Variants in ZNF227 observed in about 807,000 individuals in gnomAD.
ZNF227 encodes zinc finger protein 227.
Under a neutral mutation model 13.2 loss-of-function variants are expected in ZNF227, and 12 were observed. The observed-to-expected ratio is 0.91, with a 90% CI of 0.58 to 1.47. The LOEUF (loss-of-function observed/expected upper bound fraction) is 1.47. Among genes scored for constraint, ZNF227 ranks in the 40% most tolerant of loss-of-function variants. The pLI, the probability that ZNF227 is intolerant of heterozygous loss-of-function variation, is 0.00. For missense variants in ZNF227, 885 were observed against 967.5 expected, an observed-to-expected ratio of 0.91 and a Z score of 1.13; for synonymous variants, 338 against 326.0, an observed-to-expected ratio of 1.04 and a Z score of -0.40.
chr19:44,235,869 A>T lies in ZNF227; in HGVS notation c.1439A>T (p.His480Leu). ...GKGFTRNTDL[H>L]IHFRVHTGEK... The stretch of plus-strand genomic sequence containing the variant: ...GGCTTTACCCGTAATACAGATCTGC[A>T]TATTCATTTCAGAGTTCACACGGGA... The change falls in exon 6 of 6, where the codon CAT (histidine) becomes CTT (leucine). Residue 480 changes from histidine (H) to leucine (L), a missense_variant. His to Leu is a moderately conservative substitution (Grantham distance 99). Transcript: ENST00000313040. 6.2e-7 allele frequency: 1 copy of T among 1,613,890 alleles called. No homozygotes were observed. The highest frequency in any genetic ancestry group is 8.5e-7 in the Non-Finnish European group (1 of 1,179,968).
At chr19:44,209,134 A>G (rs925812632), upstream of ZNF227, among the ~76,000 whole-genome samples, 2 of 152,190 alleles carry the variant, frequency 1.3e-5, no homozygotes, top group African/African-American at 2.4e-5. Context: ...GCATTTATGC[A>G]TTGGTGCCAT....
Position 44,235,508 on chromosome 19 carries a change from T to C in ZNF227, c.1078T>C (p.Cys360Arg). Residue 360 changes from cysteine to arginine, a missense_variant, in exon 6 of 6, where the codon TGC becomes CGC. Physicochemically the swap from Cys to Arg is radical, Grantham distance 180. Transcript: ENST00000313040. Reference protein sequence around the residue: ...KPYKCEECGKCFSQSSNFQCH... With the variant: ...KPYKCEECGKRFSQSSNFQCH... Reference sequence around the variant, plus strand: ...CTATAAATGCGAGGAATGTGGTAAATGCTTTAGTCAAAGTTCAAATTTTCA... The same window carrying C: ...CTATAAATGCGAGGAATGTGGTAAACGCTTTAGTCAAAGTTCAAATTTTCA... 1 of 1,614,012 alleles carries C rather than the reference T, an allele frequency of 6.2e-7. No homozygotes were observed. Among genetic ancestry groups the C allele is most frequent in the Non-Finnish European group, 8.5e-7 (1 of 1,180,008 alleles).
intron 3 of ZNF227, among the ~76,000 whole-genome samples, chr19:44,220,126 C>G (rs1972326339): frequency 6.6e-6 from 1 of 152,138 alleles, no homozygotes; most frequent in Non-Finnish European, 1.5e-5. Context: ...TTTTTTATGG[C>G]TGCATAGTAT....
At position 44,217,780 on chromosome 19, in the gene ZNF227, G is replaced by C. The variant is rs1972045600; in HGVS notation, c.-2-11G>C. On this transcript the variant is annotated splice_polypyrimidine_tract_variant and intron_variant, in intron 2 of 5. Transcript: ENST00000313040. ...AGGCTTGTGTCTCATGGCGTCTTTG[G>C]TCTCCCCCAGTTATGCCATCTCAGA... 3 of 1,614,156 alleles carry C rather than the reference G, an allele frequency of 1.9e-6. No homozygotes were observed. Among genetic ancestry groups the C allele is most frequent in the Non-Finnish European group, 2.5e-6 (3 of 1,180,014 alleles).
At chr19:44,216,958 G>GTTTTTTT (rs35474532) in intron 2 of ZNF227, among the ~76,000 whole-genome samples, 2 of 91,646 alleles carry the variant, frequency 2.2e-5, no homozygotes, top group Non-Finnish European at 4.1e-5. Flanking sequence ...TCATCTGCTT[G>GTTTTTTT]TTTTTTTTTT....
intron 3 of ZNF227, among the ~76,000 whole-genome samples, chr19:44,221,907 A>C (rs529358945): frequency 6.6e-6 from 1 of 152,288 alleles, no homozygotes; most frequent in African/African-American, 2.4e-5. Context: ...TCTAATGTTT[A>C]AGTCTTTAAT....
At chr19:44,218,981 A>G (rs916470836) in intron 3 of ZNF227, among the ~76,000 whole-genome samples, 8 of 152,156 alleles carry the variant, frequency 5.3e-5, no homozygotes, top group Non-Finnish European at 1.0e-4. Context: ...TCTGCCTCCC[A>G]GGTTCAAGCG....
upstream of ZNF227, among the ~76,000 whole-genome samples, chr19:44,208,850 T>C (rs1441604737): frequency 1.3e-5 from 2 of 152,212 alleles, no homozygotes; most frequent in East Asian, 1.9e-4. Flanking sequence ...ATGACCATTA[T>C]AGAGAGATTA....
At chr19:44,209,834 C>T (rs1971298128), upstream of ZNF227, among the ~76,000 whole-genome samples, 1 of 152,198 alleles carries the variant, frequency 6.6e-6, no homozygotes, top group South Asian at 2.1e-4. Context: ...GATCTGCCCA[C>T]CTCGGCCTCC....
intron 3 of ZNF227, among the ~76,000 whole-genome samples, chr19:44,221,216 G>A (rs568382361): frequency 6.6e-6 from 1 of 152,088 alleles, no homozygotes; most frequent in Non-Finnish European, 1.5e-5. Flanking sequence ...GTAGGGACAT[G>A]AACATACATG....
intron 2 of ZNF227, chr19:44,217,574 T>C (rs761604669): frequency 1.4e-6 from 1 of 707,626 alleles, no homozygotes; most frequent in Non-Finnish European, 2.6e-6. Context: ...CCATCAGAAA[T>C]CCTTGTAGCA....
rs1973445581 is a variant in ZNF227 at position 44,228,585 on chromosome 19, A to C, written c.187+13A>C. ...CTGGTTGCAGTGGGTGAGGACAGGC[A>C]CTCTCTGACCCTGAACTTCAGTTCC... On this transcript the variant is annotated intron_variant, in intron 4 of 5. Transcript: ENST00000313040. 2 of 1,601,824 alleles carry C rather than the reference A, an allele frequency of 1.2e-6. No homozygotes were observed. The highest frequency in any genetic ancestry group is 1.7e-6 in the Non-Finnish European group (2 of 1,175,580).
chr19:44,220,637 G>A (rs138711887), intron 3 of ZNF227, among the ~76,000 whole-genome samples: 3,106 of 152,032 alleles, frequency 0.02, 116 homozygotes, highest in African/African-American at 0.072. Context: ...CTACTCACTG[G>A]ATATCAGCAT....
At chr19:44,209,355 TA>T (rs1971287049), upstream of ZNF227, among the ~76,000 whole-genome samples, 1 of 152,178 alleles carries the variant, frequency 6.6e-6, no homozygotes, top group African/African-American at 2.4e-5. Flanking sequence ...AACCAAATCC[TA>T]GTCAGTCGGT....
intron 3 of ZNF227, among the ~76,000 whole-genome samples, chr19:44,220,853 C>A (rs1451260811): frequency 1.3e-5 from 2 of 151,932 alleles, no homozygotes; most frequent in African/African-American, 4.8e-5. Flanking sequence ...GTTCCCCTTC[C>A]TGTGTCCATG....
intron 3 of ZNF227, 85 bp from the exon 4 acceptor site, chr19:44,228,361 G>A: frequency 6.7e-7 from 1 of 1,490,806 alleles, no homozygotes; most frequent in South Asian, 1.3e-5. Context: ...CAACTTTTTT[G>A]TGGTGCTCTT....
chr19:44,236,033 C>G lies in ZNF227; in HGVS notation c.1603C>G (p.Leu535Val), dbSNP rs1418107649. The G allele has an allele frequency of 1.2e-6, 2 of 1,609,326 alleles. No homozygotes were observed. The highest frequency in any genetic ancestry group is 2.7e-5 in the African/African-American group (2 of 73,194). The stretch of plus-strand genomic sequence containing the variant: ...GAAGGGCTTCAGTCAGTCCTCAAAG[C>G]TTCAAACCCATCAGCGAGTCCACAC... Reference protein sequence around the residue: ...CGKGFSQSSKLQTHQRVHTGE... With the variant: ...CGKGFSQSSKVQTHQRVHTGE... The change falls in exon 6 of 6, where the codon CTT becomes GTT. Residue 535 changes from leucine (L) to valine (V), a missense_variant. Transcript: ENST00000313040.
chr19:44,235,537 C>CCAT lies in ZNF227; in HGVS notation c.1110_1112dup (p.His370dup). The CCAT allele has an allele frequency of 6.2e-7, 1 of 1,614,086 alleles. No individual in the cohort carries two copies. The highest frequency in any genetic ancestry group is 1.1e-5 in the South Asian group (1 of 91,070). The stretch of plus-strand genomic sequence containing the variant: ...TTAGTCAAAGTTCAAATTTTCAGTG[C>CCAT]CATCAGAGAGTCCACACTGAAGAAA... On this transcript the variant is annotated inframe_insertion, in exon 6 of 6. Transcript: ENST00000313040.
Position 44,230,506 on chromosome 19 carries a change from T to TG in ZNF227, c.271+692dup, listed in dbSNP as rs1316019722. 1.1e-4 allele frequency among the ~76,000 whole-genome samples: 16 copies of TG among 152,212 alleles called. No individual in the cohort carries two copies. The South Asian group carries it at 3.3e-3, about 32-fold the overall frequency. The stretch of plus-strand genomic sequence containing the variant: ...TCATTTCAGCCATGCTGGCCGCCGT[T>TG]GGAGTATTTGTTAAGCATACCAAGT... On this transcript the variant is annotated intron_variant, in intron 5 of 5. Coordinates refer to ENST00000313040, the MANE Select transcript of ZNF227 (RefSeq NM_182490.3).
Sources: allele counts gnomAD v4.1 joint callset (sites outside exome capture counted in the v4.1 genomes callset), GRCh38; gene constraint gnomAD v4.1.1; transcripts MANE v1.5; gene names NCBI Gene and HGNC (gene_info 2026-07-23, HGNC 2026-07-21).